CDH18: variants seen among roughly 807,000 people sequenced by gnomAD.
The protein encoded by CDH18 is cadherin 18, also known as cadherin-18.
CDH18 carries 31 observed loss-of-function variants against 67.9 expected under a neutral mutation model. The ratio of observed to expected loss-of-function variants is 0.46; its 90% CI spans 0.34 to 0.62. The LOEUF is 0.62. CDH18 is among the 20% of genes least tolerant of loss of function. The pLI is 0.01. For synonymous variants in CDH18, 362 were observed against 347.2 expected (o/e 1.04, Z -0.48); for missense variants, 890 against 975.5 (o/e 0.91, Z 1.17).
At chr5:19,878,191 T>C (rs1787246516) in intron 2 of CDH18, 1 of 152,078 alleles carries the variant, frequency 6.6e-6, no homozygotes, top group Non-Finnish European at 1.5e-5. Flanking sequence ...AATTTAATTG[T>C]TTTAATTGTC....
rs149047903 is a variant in CDH18 at position 19,965,614 on chromosome 5, A to G, written c.-257+15446T>C. ...TAGAATTACAGGAGTGATTTATTAG[A>G]TTTCTTTTATTCTGATAATTACTGG... On this transcript the variant is annotated intron_variant, in intron 2 of 12. Transcript: ENST00000382275. Among the ~76,000 whole-genome samples the G allele has an allele frequency of 7.5e-4, 114 of 152,278 alleles. 2 individuals carry two copies. The highest frequency in any genetic ancestry group is 5.2e-3 in the East Asian group (27 of 5,182).
intron 2 of CDH18, among the ~76,000 whole-genome samples, chr5:20,193,074 T>C (rs1580446778): frequency 6.6e-6 from 1 of 152,202 alleles, no homozygotes; most frequent in East Asian, 1.9e-4. Context: ...ACATCTGTTG[T>C]CAGCTGTATT....
At chr5:20,219,935 T>C (rs1741091221) in intron 2 of CDH18, among the ~76,000 whole-genome samples, 1 of 151,910 alleles carries the variant, frequency 6.6e-6, no homozygotes, top group Admixed American at 6.6e-5. Flanking sequence ...GGAAGATCTC[T>C]ATAATGAAAA....
intron 2 of CDH18, among the ~76,000 whole-genome samples, chr5:20,196,057 T>A (rs1457753430): frequency 6.6e-6 from 1 of 152,160 alleles, no homozygotes; most frequent in African/African-American, 2.4e-5. Context: ...GGACATCTGT[T>A]CATCTTCTAA....
chr5:19,817,657 A>G (rs1042745841), intron 3 of CDH18, among the ~76,000 whole-genome samples: 1 of 152,060 alleles, frequency 6.6e-6, no homozygotes, highest in Non-Finnish European at 1.5e-5. Flanking sequence ...CTTTCCAGTG[A>G]ATTACAACAT....
intron 1 of CDH18, among the ~76,000 whole-genome samples, chr5:20,471,833 T>TAACAAAAAAAAAA (rs1752103851): frequency 1.9e-5 from 1 of 51,500 alleles, no homozygotes; most frequent in Non-Finnish European, 3.8e-5. Flanking sequence ...AGATTCAGTC[T>TAACAAAAAAAAAA]AAAAAAAAAA....
At chr5:20,230,089 T>C (rs997997714) in intron 2 of CDH18, among the ~76,000 whole-genome samples, 5 of 152,302 alleles carry the variant, frequency 3.3e-5, no homozygotes, top group Admixed American at 6.5e-5. Context: ...TTTTCTAAAC[T>C]CATTCGACAC....
intron 5 of CDH18, among the ~76,000 whole-genome samples, chr5:19,616,250 A>G (rs1749813993): frequency 6.6e-6 from 1 of 152,040 alleles, no homozygotes; most frequent in Non-Finnish European, 1.5e-5. Context: ...TAACCGAATA[A>G]AATATATATT....
At chr5:20,074,614 G>C (rs1029409579) in intron 2 of CDH18, among the ~76,000 whole-genome samples, 6 of 152,018 alleles carry the variant, frequency 3.9e-5, no homozygotes, top group Non-Finnish European at 8.8e-5. Context: ...ATTTCTCTTT[G>C]GACAGTACAT....
chr5:19,902,350 C>T (rs1053907966), intron 2 of CDH18, among the ~76,000 whole-genome samples: 5 of 152,070 alleles, frequency 3.3e-5, no homozygotes, highest in South Asian at 2.1e-4. Flanking sequence ...CAAAAGACCG[C>T]AGCTTTCACC....
chr5:19,746,016 T>C (rs1213061598), intron 4 of CDH18, among the ~76,000 whole-genome samples: 1 of 152,118 alleles, frequency 6.6e-6, no homozygotes, highest in Non-Finnish European at 1.5e-5. Context: ...ACAATACTCA[T>C]ACATATGCAG....
At chr5:20,458,587 C>T (rs1751002516) in intron 1 of CDH18, among the ~76,000 whole-genome samples, 1 of 152,256 alleles carries the variant, frequency 6.6e-6, no homozygotes, top group Non-Finnish European at 1.5e-5. Flanking sequence ...CACTGCACTT[C>T]AGCCTGGGCA....
At chr5:19,618,513 G>A (rs1331835883) in intron 5 of CDH18, among the ~76,000 whole-genome samples, 2 of 151,854 alleles carry the variant, frequency 1.3e-5, no homozygotes, top group East Asian at 3.9e-4. Flanking sequence ...GCCTACTTTT[G>A]GTTCTTTTTC....
intron 1 of CDH18, among the ~76,000 whole-genome samples, chr5:20,376,726 T>G (rs1356782658): frequency 1.3e-5 from 2 of 152,048 alleles, no homozygotes. Context: ...TGCTTAAAAG[T>G]TCAGGCAAGG....
intron 2 of CDH18, among the ~76,000 whole-genome samples, chr5:19,925,850 T>C (rs2150182803): frequency 6.6e-6 from 1 of 152,296 alleles, no homozygotes; most frequent in South Asian, 2.1e-4. Context: ...GTACTATCAT[T>C]TCTTTTATGC....
intron 5 of CDH18, among the ~76,000 whole-genome samples, chr5:19,713,455 A>T (rs1213385379): frequency 6.6e-6 from 1 of 152,112 alleles, no homozygotes; most frequent in Non-Finnish European, 1.5e-5. Context: ...ATTCAACCTA[A>T]TTCCATCTTA....
chr5:20,389,661 A>G (rs1340839872), intron 1 of CDH18, among the ~76,000 whole-genome samples: 1 of 152,160 alleles, frequency 6.6e-6, no homozygotes, highest in Non-Finnish European at 1.5e-5. Flanking sequence ...TGGAACCAAA[A>G]AAGAGCCCGC....
intron 7 of CDH18, among the ~76,000 whole-genome samples, chr5:19,573,216 T>C (rs887172685): frequency 6.6e-6 from 1 of 152,054 alleles, no homozygotes; most frequent in Non-Finnish European, 1.5e-5. Flanking sequence ...CTGAAGTTTA[T>C]GACCTATCAC....
chr5:20,484,171 A>T (rs1344587362), intron 1 of CDH18, among the ~76,000 whole-genome samples: 1 of 152,028 alleles, frequency 6.6e-6, no homozygotes, highest in Non-Finnish European at 1.5e-5. Flanking sequence ...GCAGATATAT[A>T]AAAAGGTGCC....
Sources: allele counts gnomAD v4.1 joint callset (sites outside exome capture counted in the v4.1 genomes callset), GRCh38; gene constraint gnomAD v4.1.1; transcripts MANE v1.5; gene names NCBI Gene and HGNC (gene_info 2026-07-23, HGNC 2026-07-21).